The following SCAF11 variants were observed in gnomAD, a reference collection of about 807,000 sequenced individuals.
SCAF11 encodes protein SCAF11.
SCAF11 carries 47 observed loss-of-function variants against 140.5 expected under a neutral mutation model. The ratio of observed to expected loss-of-function variants is 0.33; its 90% CI spans 0.26 to 0.43. SCAF11 has a LOEUF of 0.43. Among genes scored for constraint, SCAF11 ranks in the 20% least tolerant of loss-of-function variants. The pLI, the probability that SCAF11 is intolerant of heterozygous loss-of-function variation, is 1.00. For missense variants in SCAF11, 1,645 were observed against 1,705.1 expected (o/e 0.96, Z 0.62); for synonymous variants, 557 against 579.4 (o/e 0.96, Z 0.55).
chr12:45,987,163 C>G (rs1380281770), intron 1 of SCAF11, among the ~76,000 whole-genome samples: 1 of 152,144 alleles, frequency 6.6e-6, no homozygotes, highest in Non-Finnish European at 1.5e-5. Flanking sequence ...AATTTGAGAC[C>G]AGCCTGGGCA....
At chr12:45,961,643 T>A in intron 3 of SCAF11, 57 bp downstream of exon 3, 1 of 1,405,254 alleles carries the variant, frequency 7.1e-7, no homozygotes, top group Non-Finnish European at 9.7e-7. Flanking sequence ...GTATCAACTC[T>A]TTAGGTGAAA....
chr12:45,929,015 G>A, intron 10 of SCAF11, 156 bp from the exon 11 acceptor site: 1 of 405,966 alleles, frequency 2.5e-6, no homozygotes. Context: ...TAACATCTGA[G>A]TAATATGACT....
At position 45,927,879 on chromosome 12, in the gene SCAF11, T is replaced by C. The variant is rs778523900; in HGVS notation, c.1822A>G (p.Ser608Gly). 2 of 1,613,478 alleles carry C rather than the reference T, an allele frequency of 1.2e-6. No homozygotes were observed. Among genetic ancestry groups the C allele is most frequent in the Admixed American group, 1.7e-5 (1 of 59,900 alleles). The change falls in exon 11 of 15, where the codon AGC becomes GGC. Residue 608 changes from serine (S) to glycine (G), a missense_variant. Physicochemically the swap from Ser to Gly is moderately conservative, Grantham distance 56 (BLOSUM62 0). Transcript: ENST00000369367. ...FTLKTEELIESPKLESSEGEI... is the reference protein window; with the variant it reads ...FTLKTEELIEGPKLESSEGEI... ...CCCTCAGAAGATTCTAACTTGGGGC[T>C]CTCTATAAGCTCCTCTGTTTTTAGT...
Position 45,931,616 on chromosome 12 carries a change from A to G in SCAF11, c.735-4T>C. On this transcript the variant is annotated splice_polypyrimidine_tract_variant and splice_region_variant and intron_variant, in intron 9 of 14. Coordinates refer to ENST00000369367, the MANE Select transcript of SCAF11 (RefSeq NM_004719.3). ...ATTCCAGGGTATAAAACCAATTCTGAAAACATAATAAAGACATTTTTGTTT... is the reference window on the plus strand; with the variant it reads ...ATTCCAGGGTATAAAACCAATTCTGGAAACATAATAAAGACATTTTTGTTT... 6.3e-6 allele frequency: 9 copies of G among 1,417,764 alleles called. No individual in the cohort carries two copies. Among genetic ancestry groups the G allele is most frequent in the Non-Finnish European group, 8.5e-6 (9 of 1,056,498 alleles). 87.8% of individuals were successfully genotyped at this position (1,417,764 alleles called of 1,614,324 possible). A position where few individuals can be genotyped will look rare whatever the true frequency, so the allele number is the denominator to read the frequency against.
At chr12:45,937,651 T>G (rs1390697007) in intron 6 of SCAF11, among the ~76,000 whole-genome samples, 1 of 152,220 alleles carries the variant, frequency 6.6e-6, no homozygotes, top group Non-Finnish European at 1.5e-5. Context: ...TCTTTTCTTT[T>G]GGGCAAGTCA....
At chr12:45,945,719 CAG>C (rs894114048) in intron 5 of SCAF11, among the ~76,000 whole-genome samples, 9 of 151,794 alleles carry the variant, frequency 5.9e-5, no homozygotes, top group African/African-American at 1.2e-4. Flanking sequence ...TCTATTTTTG[CAG>C]AGAGTTTCCC....
chr12:45,990,204 G>C, intron 1 of SCAF11, 149 bp downstream of exon 1: 2 of 1,121,092 alleles, frequency 1.8e-6, no homozygotes, highest in East Asian at 3.2e-5. Flanking sequence ...CCCAGCGCAC[G>C]ACGTCGCACG....
chr12:45,931,635 T>TTTTC (rs763297870), intron 9 of SCAF11, 23 bp from the exon 10 acceptor site: 1 of 1,275,930 alleles, frequency 7.8e-7, no homozygotes, highest in South Asian at 1.5e-5. Context: ...TAAAGACATT[T>TTTTC]TTGTTTAAAT....
At chr12:45,967,406 G>T (rs1945975379) in intron 1 of SCAF11, among the ~76,000 whole-genome samples, 1 of 152,218 alleles carries the variant, frequency 6.6e-6, no homozygotes, top group Non-Finnish European at 1.5e-5. Context: ...CACTTTGGGA[G>T]GCTGAGGCGG....
In SCAF11 at chr12:45,958,013, C is replaced by G. The variant is rs149514400; in HGVS notation, c.219+3687G>C. Among the ~76,000 whole-genome samples the G allele has an allele frequency of 2.6e-4, 39 of 152,142 alleles. No individual in the cohort carries two copies. In the East Asian group the frequency reaches 6.8e-3, roughly 26 times the overall value. ...GCTCAAGTGATCCTCCAACCTCCCC[C>G]CATCAGCTTCCCAAGTAGCTGGGAC... On this transcript the variant is annotated intron_variant, in intron 3 of 14. Coordinates refer to ENST00000369367, the MANE Select transcript of SCAF11 (RefSeq NM_004719.3).
chr12:45,966,338 AT>A (rs879884551), intron 1 of SCAF11, among the ~76,000 whole-genome samples: 531 of 144,750 alleles, frequency 3.7e-3, no homozygotes, highest in Admixed American at 4.2e-3. Flanking sequence ...CTTTTGTGGG[AT>A]TTTTTTTTTT....
Position 45,973,969 on chromosome 12 carries a change from A to T in SCAF11, c.-21-9781T>A, listed in dbSNP as rs542929873. Among the ~76,000 whole-genome samples, 4 of 152,350 alleles carry T rather than the reference A, an allele frequency of 2.6e-5. No homozygotes were observed. The South Asian group carries it at 8.3e-4, about 32-fold the overall frequency. Reference sequence around the variant, plus strand: ...TTTAAAATAGGTTTGGCATTAAAGCAAATATTTATAACACTTTCTGATAAG... The same window carrying T: ...TTTAAAATAGGTTTGGCATTAAAGCTAATATTTATAACACTTTCTGATAAG... On this transcript the variant is annotated intron_variant, in intron 1 of 14. Transcript: ENST00000369367.
At position 45,920,830 on chromosome 12, in the gene SCAF11, T is replaced by C. The variant is rs1565653004; in HGVS notation, c.*1218A>G. 1 of 152,392 alleles carries C rather than the reference T, an allele frequency of 6.6e-6. No homozygotes were observed. The highest frequency in any genetic ancestry group is 1.5e-5 in the Non-Finnish European group (1 of 68,016). 9.4% of individuals were successfully genotyped at this position (152,392 alleles called of 1,614,324 possible). ...TCAGTGATTAGATAAACAACAACTT[T>C]ACGCCAGTGCCATGAGTCTTGTAAT... On this transcript the variant is annotated 3_prime_UTR_variant, in exon 15 of 15. Transcript: ENST00000369367.
rs145127097 is a variant in SCAF11 at position 45,986,310 on chromosome 12, C to A, written c.-22+4043G>T. On this transcript the variant is annotated intron_variant, in intron 1 of 14. Coordinates refer to ENST00000369367, the MANE Select transcript of SCAF11 (RefSeq NM_004719.3). ...AAAGAGCTCTGGTCCTTATCTGGCA[C>A]AACCCAGGAATGTAATCCAGAAATC... Among the ~76,000 whole-genome samples, 252 of 152,304 alleles carry A rather than the reference C, an allele frequency of 1.7e-3. 1 individual carries two copies. Among genetic ancestry groups the A allele is most frequent in the African/African-American group, 5.8e-3 (242 of 41,556 alleles).
intron 11 of SCAF11, among the ~76,000 whole-genome samples, chr12:45,925,554 A>C (rs985632864): frequency 6.6e-6 from 1 of 152,174 alleles, no homozygotes; most frequent in African/African-American, 2.4e-5. Context: ...CATCTCAAAA[A>C]ACAAAACGAA....
intron 9 of SCAF11, 73 bp downstream of exon 9, chr12:45,933,058 T>G: frequency 1.0e-6 from 1 of 977,150 alleles, no homozygotes; most frequent in East Asian, 2.4e-5. Context: ...AAGGTACCCT[T>G]GTACTTAAGT....
At chr12:45,969,701 C>T (rs1166445730) in intron 1 of SCAF11, among the ~76,000 whole-genome samples, 1 of 152,166 alleles carries the variant, frequency 6.6e-6, no homozygotes, top group African/African-American at 2.4e-5. Context: ...TACTAAATAA[C>T]AACTAAATTG....
chr12:45,944,917 T>C (rs1191506445), intron 6 of SCAF11, among the ~76,000 whole-genome samples: 1 of 152,106 alleles, frequency 6.6e-6, no homozygotes, highest in Non-Finnish European at 1.5e-5. Flanking sequence ...GCCCACAAGG[T>C]ATTTAATCTC....
chr12:45,972,909 GATATATAT>G (rs1318936786), intron 1 of SCAF11, among the ~76,000 whole-genome samples: 1 of 68,470 alleles, frequency 1.5e-5, no homozygotes, highest in Non-Finnish European at 3.1e-5. Flanking sequence ...TATATATATA[GATATATAT>G]ATAGATATAT....
Sources: allele counts gnomAD v4.1 joint callset (sites outside exome capture counted in the v4.1 genomes callset), GRCh38; gene constraint gnomAD v4.1.1; transcripts MANE v1.5; gene names NCBI Gene and HGNC (gene_info 2026-07-23, HGNC 2026-07-21).